Variants in TSBP1 observed in about 807,000 individuals in gnomAD.
TSBP1 encodes testis-expressed basic protein 1.
In TSBP1, 56 loss-of-function variants were observed where a neutral mutation model predicts 68.8. That is an observed-to-expected ratio of 0.81 (90% confidence interval 0.66 to 1.02). TSBP1 has a LOEUF of 1.02. TSBP1 is among the 50% of genes least tolerant of loss of function. TSBP1 has a pLI of 0.00. For missense variants in TSBP1, 502 were observed against 641.2 expected, an observed-to-expected ratio of 0.78 and a Z score of 2.34; for synonymous variants, 171 against 208.7, an observed-to-expected ratio of 0.82 and a Z score of 1.56.
chr6:32,344,228 G>T (rs1770701253), intron 9 of TSBP1, among the ~76,000 whole-genome samples: 1 of 148,450 alleles, frequency 6.7e-6, no homozygotes, highest in Non-Finnish European at 1.5e-5. Context: ...TTAGCATTAG[G>T]TATATTTCCT....
At chr6:32,297,967 C>T (rs1336879342) in intron 22 of TSBP1, among the ~76,000 whole-genome samples, 1 of 152,032 alleles carries the variant, frequency 6.6e-6, no homozygotes, top group Non-Finnish European at 1.5e-5. Context: ...AAGAATATGT[C>T]TTTTACAAAA....
chr6:32,303,535 ATTCT>A (rs754761930), intron 19 of TSBP1, among the ~76,000 whole-genome samples: 1 of 151,376 alleles, frequency 6.6e-6, no homozygotes, highest in Non-Finnish European at 1.5e-5. Flanking sequence ...TATATTTTTC[ATTCT>A]TTTTACTTTT....
intron 16 of TSBP1, chr6:32,324,807 T>G: frequency 7.6e-7 from 1 of 1,308,658 alleles, no homozygotes; most frequent in Non-Finnish European, 1.0e-6. Context: ...TCAAAGGCAC[T>G]AGAAATTTCC....
intron 8 of TSBP1, among the ~76,000 whole-genome samples, chr6:32,351,680 T>C (rs1180909823): frequency 1.3e-5 from 2 of 152,104 alleles, no homozygotes; most frequent in African/African-American, 4.8e-5. Context: ...GTCCACAGAA[T>C]GGAAACTCTT....
intron 19 of TSBP1, among the ~76,000 whole-genome samples, chr6:32,307,303 A>G (rs563697961): frequency 6.6e-6 from 1 of 152,156 alleles, no homozygotes; most frequent in South Asian, 2.1e-4. Flanking sequence ...TTTCTCTCAC[A>G]ATTTTGTTTG....
chr6:32,353,139 T>C (rs1425732740), intron 8 of TSBP1, among the ~76,000 whole-genome samples: 1 of 151,868 alleles, frequency 6.6e-6, no homozygotes, highest in Non-Finnish European at 1.5e-5. Flanking sequence ...GTTTTAAGAA[T>C]TGGAAAAGGA....
rs572243095 is a variant in TSBP1 at position 32,326,001 on chromosome 6, T to C, written c.515-2387A>G. On this transcript the variant is annotated intron_variant, in intron 16 of 22. Transcript: ENST00000612031. ...TTGGAGGTGGTGGAAGCTACAATGA[T>C]TTTGGCAATTACAACAATCAGTCTT... 28 of 1,542,832 alleles carry C rather than the reference T, an allele frequency of 1.8e-5. No homozygotes were observed. In the Admixed American group the frequency reaches 2.3e-4, roughly 13 times the overall value.
intron 2 of TSBP1, 142 bp from the exon 3 acceptor site, chr6:32,368,956 T>G: frequency 1.0e-6 from 1 of 976,746 alleles, no homozygotes; most frequent in Non-Finnish European, 1.4e-6. Context: ...TTCTCACCCA[T>G]TTTCCACATC....
In TSBP1 at chr6:32,306,860, T is replaced by G. The variant is rs1205905450; in HGVS notation, c.581-4231A>C. On this transcript the variant is annotated intron_variant, in intron 19 of 22. Coordinates refer to ENST00000612031, the Ensembl canonical transcript of TSBP1. This position sits in a 1 kb window ranked among gnomAD's most constrained non-coding sequence, Gnocchi z 5.1. ...TTTAATGTCAAGTGCTCAGGCAAAA[T>G]AGATGATTTGGCTAGGCTAACAAAG... is the stretch of plus-strand genomic sequence containing the variant. Among the ~76,000 whole-genome samples, 1 of 152,176 alleles carries G rather than the reference T, an allele frequency of 6.6e-6. No homozygotes were observed. Among genetic ancestry groups the G allele is most frequent in the Non-Finnish European group, 1.5e-5 (1 of 68,024 alleles).
chr6:32,361,985 G>A lies in TSBP1; in HGVS notation c.217+4182C>T, dbSNP rs937638613. 6.6e-6 allele frequency among the ~76,000 whole-genome samples: 1 copy of A among 152,010 alleles called. No homozygotes were observed. Among genetic ancestry groups the A allele is most frequent in the African/African-American group, 2.4e-5 (1 of 41,378 alleles). ...AATGAGTTGTCAGGCAAGTGGAACTGGTGGCTTCATAAGAAGAGGAACGGG... is the reference window on the plus strand; with the variant it reads ...AATGAGTTGTCAGGCAAGTGGAACTAGTGGCTTCATAAGAAGAGGAACGGG... On this transcript the variant is annotated intron_variant, in intron 6 of 22. Transcript: ENST00000612031. This position sits in a 1 kb window ranked among gnomAD's most constrained non-coding sequence, Gnocchi z 4.3.
intron 19 of TSBP1, among the ~76,000 whole-genome samples, chr6:32,310,761 A>ATATTTT: frequency 3.9e-4 from 56 of 144,806 alleles, no homozygotes; most frequent in African/African-American, 1.4e-3. Context: ...ATATATATAT[A>ATATTTT]TTTTTAATCT....
rs1039584422 is a variant in TSBP1 at position 32,304,489 on chromosome 6, A to G, written c.581-1860T>C. 2.6e-5 allele frequency among the ~76,000 whole-genome samples: 4 copies of G among 152,130 alleles called. No individual in the cohort carries two copies. Among genetic ancestry groups the G allele is most frequent in the African/African-American group, 9.7e-5 (4 of 41,422 alleles). On this transcript the variant is annotated intron_variant, in intron 19 of 22. Transcript: ENST00000612031. This position sits in a 1 kb window ranked among gnomAD's most constrained non-coding sequence, Gnocchi z 4.8. ...GCTATCTCTTATTAAGTCAATTTTA[A>G]CTCCACTTTAATAACTTAAATATCC...
At chr6:32,363,943 C>T (rs1773351245) in intron 6 of TSBP1, among the ~76,000 whole-genome samples, 1 of 152,110 alleles carries the variant, frequency 6.6e-6, no homozygotes. Context: ...TAAACTCCCT[C>T]AGCTTTTGTT....
rs28732191 is a variant in TSBP1, at chr6:32,335,697, G to T, written c.451+215C>A. Among the ~76,000 whole-genome samples the T allele has an allele frequency of 0.038, 5,805 of 152,186 alleles. 133 individuals are homozygous for T. Among genetic ancestry groups the T allele is most frequent in the South Asian group, 0.057 (274 of 4,816 alleles). On this transcript the variant is annotated intron_variant, in intron 13 of 22. Transcript: ENST00000612031. The surrounding 1 kb of genome is among the most constrained non-coding windows in gnomAD (Gnocchi z 5.5). ...GAGAAGCCATTGGAAATCTGCAAGGGTTCATTCTCCACTTTGTAGTTTGTT... is the reference window on the plus strand; with the variant it reads ...GAGAAGCCATTGGAAATCTGCAAGGTTTCATTCTCCACTTTGTAGTTTGTT...
chr6:32,325,104 AT>A lies in TSBP1; in HGVS notation c.515-1491del. On this transcript the variant is annotated intron_variant, in intron 16 of 22. Transcript: ENST00000612031. The surrounding 1 kb of genome is among the most constrained non-coding windows in gnomAD (Gnocchi z 4.4). ...GTAAAAACTTTTTTCTCAGGTCTTT[AT>A]TTTTTATGCGAGTCAGTGAATGTTC... is the stretch of plus-strand genomic sequence containing the variant. 4.3e-6 allele frequency: 2 copies of A among 466,956 alleles called. No homozygotes were observed. The highest frequency in any genetic ancestry group is 7.5e-6 in the Non-Finnish European group (2 of 267,668). The allele number at this position is 466,956 out of a possible 1,614,324, so 28.9% of individuals were successfully genotyped here. A position where few individuals can be genotyped will look rare whatever the true frequency, so the allele number is the denominator to read the frequency against.
intron 9 of TSBP1, 48 bp downstream of exon 9, chr6:32,349,692 A>G: frequency 6.1e-6 from 7 of 1,143,324 alleles, no homozygotes; most frequent in Non-Finnish European, 9.3e-6. Flanking sequence ...CCTCTTGATT[A>G]AATGGGGCTA....
Position 32,325,668 on chromosome 6 carries a change from T to C in TSBP1, c.515-2054A>G, listed in dbSNP as rs148956872. The stretch of plus-strand genomic sequence containing the variant: ...TGCAAGAAAAGGGGATTTGCCTTTG[T>C]AACCTTTGATGACCATGACTCCGTG... On this transcript the variant is annotated intron_variant, in intron 16 of 22. Coordinates refer to ENST00000612031, the Ensembl canonical transcript of TSBP1. This position sits in a 1 kb window ranked among gnomAD's most constrained non-coding sequence, Gnocchi z 4.4. 7,334 of 1,067,896 alleles carry C rather than the reference T, an allele frequency of 6.9e-3. 141 individuals are homozygous for C. Among genetic ancestry groups the C allele is most frequent in the South Asian group, 0.017 (1,412 of 81,030 alleles). 66.2% of individuals were successfully genotyped at this position (1,067,896 alleles called of 1,614,324 possible).
chr6:32,345,619 A>G (rs1583122111), intron 9 of TSBP1, among the ~76,000 whole-genome samples: 2 of 152,274 alleles, frequency 1.3e-5, no homozygotes, highest in East Asian at 3.9e-4. Flanking sequence ...TGTTTAGGAC[A>G]GAGCCTGGAG....
At chr6:32,339,123 G>A in intron 10 of TSBP1, 124 bp from the exon 12 acceptor site, 1 of 806,056 alleles carries the variant, frequency 1.2e-6, no homozygotes, top group Non-Finnish European at 2.2e-6. Context: ...AAGAAGGTAA[G>A]TAGGCATTTT....
Sources: allele counts gnomAD v4.1 joint callset (sites outside exome capture counted in the v4.1 genomes callset), GRCh38; gene constraint gnomAD v4.1.1; non-coding constraint Gnocchi (gnomAD v3.1); transcripts MANE v1.5; gene names NCBI Gene and HGNC (gene_info 2026-07-23, HGNC 2026-07-21).